SIAH3: variants seen among roughly 807,000 people sequenced by gnomAD.
The protein encoded by SIAH3 is siah E3 ubiquitin protein ligase family member 3, also known as seven in absentia homolog 3.
A neutral mutation model predicts 12.6 loss-of-function variants in SIAH3; 9 were observed. The ratio of observed to expected loss-of-function variants is 0.72; its 90% CI spans 0.43 to 1.25. The LOEUF is 1.25. Among genes scored for constraint, SIAH3 ranks in the 50% most tolerant of loss-of-function variants. SIAH3 has a pLI of 0.00. For missense variants in SIAH3, 390 were observed against 365.4 expected (o/e 1.07, Z -0.55); for synonymous variants, 154 against 151.1 (o/e 1.02, Z -0.14).
In SIAH3 at chr13:45,783,781, C is replaced by T; in HGVS notation, c.412G>A (p.Gly138Arg). 6.2e-7 allele frequency: 1 copy of T among 1,614,194 alleles called. No homozygotes were observed. The highest frequency in any genetic ancestry group is 8.5e-7 in the Non-Finnish European group (1 of 1,180,030). ...GTGGCCAGGAAGACGATCTCGGCTC[C>T]CTGGAGGATGTCAACCCTATGGATC... Reference protein sequence around the residue: ...RQIHRVDILQGAEIVFLATDM... With the variant: ...RQIHRVDILQRAEIVFLATDM... Residue 138 changes from glycine (G) to arginine (R), a missense_variant, in exon 2 of 2, where the codon GGA becomes AGA. Physicochemically the swap from Gly to Arg is moderately radical, Grantham distance 125. Coordinates refer to ENST00000400405, the MANE Select transcript of SIAH3 (RefSeq NM_198849.3).
At chr13:45,785,435 C>T (rs1950524793) in intron 1 of SIAH3, among the ~76,000 whole-genome samples, 2 of 142,060 alleles carry the variant, frequency 1.4e-5, no homozygotes, top group African/African-American at 2.6e-5. Flanking sequence ...TCACCAGCCA[C>T]TGTTGCTGCC....
At chr13:45,820,933 C>T (rs893910264) in intron 1 of SIAH3, among the ~76,000 whole-genome samples, 8 of 152,232 alleles carry the variant, frequency 5.3e-5, no homozygotes, top group African/African-American at 1.9e-4. Flanking sequence ...TCCGTCCTCC[C>T]CAGACTGTCT....
intron 1 of SIAH3, among the ~76,000 whole-genome samples, chr13:45,810,549 C>T (rs368447326): frequency 3.9e-5 from 6 of 152,214 alleles, no homozygotes; most frequent in African/African-American, 1.4e-4. Flanking sequence ...GTGACAGGGA[C>T]CCATGTAGAC....
At chr13:45,826,125 C>G (rs1950673716) in intron 1 of SIAH3, among the ~76,000 whole-genome samples, 1 of 152,202 alleles carries the variant, frequency 6.6e-6, no homozygotes, top group African/African-American at 2.4e-5. Context: ...TCCTGGATGA[C>G]TCAGTCCATA....
At chr13:45,788,264 C>T (rs760136416) in intron 1 of SIAH3, among the ~76,000 whole-genome samples, 1 of 152,212 alleles carries the variant, frequency 6.6e-6, no homozygotes. Flanking sequence ...TGGCAAAATG[C>T]TAATCGTTTC....
At chr13:45,833,599 A>G (rs1950707715) in intron 1 of SIAH3, among the ~76,000 whole-genome samples, 1 of 152,222 alleles carries the variant, frequency 6.6e-6, no homozygotes, top group Non-Finnish European at 1.5e-5. Flanking sequence ...CTCTATCCAC[A>G]TTGTGATTTA....
At chr13:45,831,844 G>C (rs1950700430) in intron 1 of SIAH3, among the ~76,000 whole-genome samples, 1 of 152,254 alleles carries the variant, frequency 6.6e-6, no homozygotes, top group South Asian at 2.1e-4. Flanking sequence ...TGTTTTCACA[G>C]CATTCATGTC....
In SIAH3 at chr13:45,780,096, C is replaced by T. The variant is rs1950498160; in HGVS notation, c.*3287G>A. The T allele has an allele frequency of 6.6e-6, 1 of 152,150 alleles. No homozygotes were observed. Among genetic ancestry groups the T allele is most frequent in the Non-Finnish European group, 1.5e-5 (1 of 68,032 alleles). 9.4% of individuals were successfully genotyped at this position (152,150 alleles called of 1,614,324 possible). On this transcript the variant is annotated 3_prime_UTR_variant, in exon 2 of 2. Coordinates refer to ENST00000400405, the MANE Select transcript of SIAH3 (RefSeq NM_198849.3). ...TTAGAGAGTGAGTCATTAACTCTTG[C>T]ACCTTGGTGTGAATGAGGCAACCAG...
At chr13:45,789,951 C>G (rs991798562) in intron 1 of SIAH3, among the ~76,000 whole-genome samples, 1 of 152,276 alleles carries the variant, frequency 6.6e-6, no homozygotes, top group Middle Eastern at 3.4e-3. Flanking sequence ...TAGAAATGGG[C>G]TCTAGTTGAG....
intron 1 of SIAH3, among the ~76,000 whole-genome samples, chr13:45,824,244 G>C (rs757105030): frequency 2.6e-4 from 39 of 152,170 alleles, no homozygotes; most frequent in Middle Eastern, 3.2e-3. Flanking sequence ...ATTCCTTTTA[G>C]TGCCAAACCC....
intron 1 of SIAH3, among the ~76,000 whole-genome samples, chr13:45,802,472 G>T (rs919167875): frequency 6.6e-6 from 1 of 152,172 alleles, no homozygotes; most frequent in Admixed American, 6.5e-5. Context: ...TTTGGATGTG[G>T]GAATGTGACC....
intron 1 of SIAH3, among the ~76,000 whole-genome samples, chr13:45,846,924 G>A (rs1020318251): frequency 6.6e-6 from 1 of 152,198 alleles, no homozygotes; most frequent in South Asian, 2.1e-4. Context: ...CAGAAAAGCC[G>A]CACGAATGCT....
intron 1 of SIAH3, among the ~76,000 whole-genome samples, chr13:45,808,493 T>C (rs1341151954): frequency 6.6e-6 from 1 of 152,194 alleles, no homozygotes; most frequent in Admixed American, 6.5e-5. Context: ...ATGAACTAGA[T>C]AGCCAACATA....
At chr13:45,841,580 T>C (rs1950740278) in intron 1 of SIAH3, among the ~76,000 whole-genome samples, 1 of 152,212 alleles carries the variant, frequency 6.6e-6, no homozygotes, top group South Asian at 2.1e-4. Context: ...TTACAAGATA[T>C]AGCAACTTGC....
At chr13:45,840,471 A>C (rs1268143969) in intron 1 of SIAH3, among the ~76,000 whole-genome samples, 1 of 84,056 alleles carries the variant, frequency 1.2e-5, no homozygotes, top group African/African-American at 2.8e-5. Context: ...TTAGGTAGTT[A>C]AAAAATATAC....
rs774135884 is a variant in SIAH3 at position 45,783,416 on chromosome 13, C to T, written c.777G>A (p.Ala259=). Residue 259 remains alanine (A), a synonymous_variant, in exon 2 of 2, where the codon GCG becomes GCA. Transcript: ENST00000400405. ...GSLAIGIAIT[A]TEVLPSEAEM is the part of the protein sequence containing the mutation. ...CAGCTTCTGAGGGGAGGACCTCTGT[C>T]GCGGTGATGGCAATCCCAATGGCAA... 26 of 1,613,326 alleles carry T rather than the reference C, an allele frequency of 1.6e-5. No individual in the cohort carries two copies. Among genetic ancestry groups the T allele is most frequent in the Non-Finnish European group, 2.0e-5 (24 of 1,179,516 alleles).
intron 1 of SIAH3, among the ~76,000 whole-genome samples, chr13:45,811,534 C>A (rs1950616566): frequency 6.6e-6 from 1 of 152,162 alleles, no homozygotes; most frequent in South Asian, 2.1e-4. Context: ...ATGATCAAGG[C>A]TCACTGCATC....
At chr13:45,847,857 T>G (rs1010209286) in intron 1 of SIAH3, among the ~76,000 whole-genome samples, 1 of 152,076 alleles carries the variant, frequency 6.6e-6, no homozygotes, top group African/African-American at 2.4e-5. Context: ...GCTTGGGAAG[T>G]GCTGATGACT....
rs181749632 is a variant in SIAH3, at chr13:45,820,400, C to T, written c.135+31095G>A. Among the ~76,000 whole-genome samples, 559 of 152,288 alleles carry T rather than the reference C, an allele frequency of 3.7e-3. 3 individuals carry two copies. The highest frequency in any genetic ancestry group is 6.3e-3 in the Non-Finnish European group (427 of 68,026). ...GGGCTGCGGGCCAGGGGCTGCGTCT[C>T]CTCACACTACTGCATTCTGGTGAGG... is the stretch of plus-strand genomic sequence containing the variant. On this transcript the variant is annotated intron_variant, in intron 1 of 1. Transcript: ENST00000400405.
Sources: gnomAD v4.1 joint callset for allele counts (sites outside exome capture counted in the v4.1 genomes callset) on GRCh38, gnomAD v4.1.1 for gene constraint, MANE v1.5 for transcripts, NCBI Gene and HGNC (gene_info 2026-07-23, HGNC 2026-07-21) for gene names.